DNER: variants seen among roughly 807,000 people sequenced by gnomAD.
DNER encodes delta and Notch-like epidermal growth factor-related receptor.
DNER carries 33 observed loss-of-function variants against 78.2 expected under a neutral mutation model. That is an observed-to-expected ratio of 0.42 (90% CI 0.32 to 0.56). DNER has a LOEUF of 0.56. Among genes scored for constraint, DNER ranks in the 20% least tolerant of loss-of-function variants. The pLI, the probability that DNER is intolerant of heterozygous loss-of-function variation, is 0.11. For synonymous variants in DNER, 417 were observed against 384.8 expected, an observed-to-expected ratio of 1.08 and a Z score of -0.98; for missense variants, 918 against 975.3, an observed-to-expected ratio of 0.94 and a Z score of 0.78.
chr2:229,419,942 T>G (rs1306587866), intron 8 of DNER, among the ~76,000 whole-genome samples: 1 of 146,946 alleles, frequency 6.8e-6, no homozygotes, highest in Non-Finnish European at 1.5e-5. Context: ...GAGTCAAGAG[T>G]GCTGCTAAGC....
chr2:229,690,778 G>A (rs991630688), intron 1 of DNER, among the ~76,000 whole-genome samples: 6 of 152,206 alleles, frequency 3.9e-5, no homozygotes, highest in Admixed American at 6.5e-5. Context: ...GAGGTAGAAA[G>A]TGACAAACAT....
chr2:229,360,518 T>C (rs1162469509), intron 12 of DNER, among the ~76,000 whole-genome samples: 1 of 152,208 alleles, frequency 6.6e-6, no homozygotes, highest in African/African-American at 2.4e-5. Context: ...GTTCGTGCCA[T>C]TCTCCTGCCT....
intron 1 of DNER, among the ~76,000 whole-genome samples, chr2:229,679,375 T>A (rs939376467): frequency 1.6e-4 from 24 of 152,222 alleles, no homozygotes; most frequent in Admixed American, 3.3e-4. Flanking sequence ...TAACATTTTT[T>A]AAACATTTAT....
intron 8 of DNER, among the ~76,000 whole-genome samples, chr2:229,442,651 C>A (rs915406459): frequency 4.6e-5 from 7 of 152,112 alleles, no homozygotes; most frequent in African/African-American, 1.7e-4. Context: ...GTCTTCAAAC[C>A]TTTGCAGGTA....
intron 6 of DNER, among the ~76,000 whole-genome samples, chr2:229,499,623 A>C (rs116602555): frequency 0.038 from 5,744 of 151,830 alleles, 169 homozygotes; most frequent in African/African-American, 0.061. Flanking sequence ...AAACAGAAAA[A>C]AAAAAATAGA....
intron 4 of DNER, 59 bp from the exon 5 acceptor site, chr2:229,547,151 T>C: frequency 6.3e-7 from 1 of 1,594,866 alleles, no homozygotes; most frequent in Non-Finnish European, 8.5e-7. Context: ...AGGCAGTGTG[T>C]TGAAAGCTTT....
chr2:229,363,351 GC>G (rs1380958723), intron 12 of DNER, among the ~76,000 whole-genome samples: 3 of 152,188 alleles, frequency 2.0e-5, no homozygotes, highest in Non-Finnish European at 2.9e-5. Context: ...CAGTGAGACA[GC>G]CCATAAAATG....
intron 10 of DNER, among the ~76,000 whole-genome samples, chr2:229,399,809 T>G (rs990823273): frequency 6.6e-6 from 1 of 151,876 alleles, no homozygotes; most frequent in Non-Finnish European, 1.5e-5. Flanking sequence ...GCTTGAAAAA[T>G]TATACTTACA....
chr2:229,553,499 A>G (rs1696789339), intron 4 of DNER, among the ~76,000 whole-genome samples: 2 of 152,216 alleles, frequency 1.3e-5, no homozygotes, highest in African/African-American at 2.4e-5. Flanking sequence ...GACAAGACAA[A>G]GGACAGGGAT....
At chr2:229,556,000 C>A (rs1239170887) in intron 4 of DNER, among the ~76,000 whole-genome samples, 1 of 152,190 alleles carries the variant, frequency 6.6e-6, no homozygotes, top group Non-Finnish European at 1.5e-5. Context: ...AGATCTATAT[C>A]ATCTCTGTCT....
intron 1 of DNER, among the ~76,000 whole-genome samples, chr2:229,696,007 G>T (rs1270926066): frequency 6.6e-6 from 1 of 152,144 alleles, no homozygotes; most frequent in African/African-American, 2.4e-5. Flanking sequence ...CACCCAGTTT[G>T]CACTCCTTTC....
At position 229,625,774 on chromosome 2, in the gene DNER, A is replaced by C. The variant is rs149284186; in HGVS notation, c.277-33886T>G. Among the ~76,000 whole-genome samples, 840 of 152,298 alleles carry C rather than the reference A, an allele frequency of 5.5e-3. 7 individuals carry two copies. The highest frequency in any genetic ancestry group is 8.6e-3 in the Non-Finnish European group (584 of 68,026). ...CCGTGAGCCTTGGTAGCAGGAATGC[A>C]ATAGGTGGCATTGAAGGACAGCAAA... On this transcript the variant is annotated intron_variant, in intron 1 of 12. Coordinates refer to ENST00000341772, the MANE Select transcript of DNER (RefSeq NM_139072.4).
intron 1 of DNER, among the ~76,000 whole-genome samples, chr2:229,622,480 C>T (rs1377542247): frequency 1.3e-5 from 2 of 152,030 alleles, no homozygotes; most frequent in Non-Finnish European, 2.9e-5. Flanking sequence ...TTCTGCCCTG[C>T]GGGTCTTTGA....
At chr2:229,491,638 A>T (rs1695401433) in intron 6 of DNER, among the ~76,000 whole-genome samples, 1 of 152,176 alleles carries the variant, frequency 6.6e-6, no homozygotes. Context: ...GGCTTTACCT[A>T]GTCAACCTAT....
At chr2:229,460,693 A>G (rs1247049758) in intron 7 of DNER, among the ~76,000 whole-genome samples, 2 of 152,122 alleles carry the variant, frequency 1.3e-5, no homozygotes, top group African/African-American at 4.8e-5. Flanking sequence ...TAATCTGCTG[A>G]TGGAGACCAG....
intron 7 of DNER, among the ~76,000 whole-genome samples, chr2:229,467,134 G>A (rs1407689738): frequency 6.6e-6 from 1 of 152,196 alleles, no homozygotes; most frequent in Non-Finnish European, 1.5e-5. Flanking sequence ...CAGCGGCCAA[G>A]GGCATTGCTA....
At chr2:229,596,469 C>T (rs1019871751) in intron 1 of DNER, among the ~76,000 whole-genome samples, 1 of 152,196 alleles carries the variant, frequency 6.6e-6, no homozygotes, top group South Asian at 2.1e-4. Context: ...AGAGTACAGA[C>T]CCACTTCACA....
intron 6 of DNER, among the ~76,000 whole-genome samples, chr2:229,495,993 C>G (rs1695493005): frequency 6.6e-6 from 1 of 152,158 alleles, no homozygotes; most frequent in Non-Finnish European, 1.5e-5. Context: ...CAGCTCTAGA[C>G]ACAGTATTGC....
intron 7 of DNER, among the ~76,000 whole-genome samples, chr2:229,464,531 TG>T (rs1158298755): frequency 6.6e-6 from 1 of 152,076 alleles, no homozygotes; most frequent in Non-Finnish European, 1.5e-5. Flanking sequence ...CAAAAATAAT[TG>T]GCTATTGACA....
Sources: gnomAD v4.1 joint callset for allele counts (sites outside exome capture counted in the v4.1 genomes callset) on GRCh38, gnomAD v4.1.1 for gene constraint, MANE v1.5 for transcripts, NCBI Gene and HGNC (gene_info 2026-07-23, HGNC 2026-07-21) for gene names.